The following PRDM15 variants were observed in gnomAD, a reference collection of about 807,000 sequenced individuals.
The protein encoded by PRDM15 is PR/SET domain 15.
Under a neutral mutation model 128.6 loss-of-function variants are expected in PRDM15, and 64 were observed. The ratio of observed to expected loss-of-function variants is 0.50; its 90% CI spans 0.41 to 0.61. PRDM15 has a LOEUF of 0.61. Among genes scored for constraint, PRDM15 ranks in the 20% least tolerant of loss-of-function variants. PRDM15 has a pLI of 0.00. For missense variants in PRDM15, 1,242 were observed against 1,569.1 expected, an observed-to-expected ratio of 0.79 and a Z score of 3.52; for synonymous variants, 615 against 621.8, an observed-to-expected ratio of 0.99 and a Z score of 0.16.
rs189248849 is a variant in PRDM15, at chr21:41,852,847, T to C, written c.538+1719A>G. ...CACCTACCACCTTTGGGAGAGGATG[T>C]GTGCAGATGTCATCAAGTTAAGGTG... On this transcript the variant is annotated intron_variant, in intron 5 of 23. Coordinates refer to ENST00000398548, the MANE Select transcript of PRDM15 (RefSeq NM_001040424.3). Among the ~76,000 whole-genome samples, 245 of 152,288 alleles carry C rather than the reference T, an allele frequency of 1.6e-3. 2 individuals carry two copies. The highest frequency in any genetic ancestry group is 5.6e-3 in the African/African-American group (231 of 41,564).
intron 21 of PRDM15, among the ~76,000 whole-genome samples, chr21:41,809,145 G>A (rs953814720): frequency 3.3e-5 from 5 of 152,240 alleles, no homozygotes; most frequent in Non-Finnish European, 7.3e-5. Flanking sequence ...CCCTGAGTGC[G>A]CTTCGCGTGT....
chr21:41,842,275 T>C (rs534499410), intron 6 of PRDM15, among the ~76,000 whole-genome samples: 6 of 152,308 alleles, frequency 3.9e-5, no homozygotes, highest in African/African-American at 1.4e-4. Flanking sequence ...TTATCACCTT[T>C]CCATTTTTTA....
At chr21:41,823,538 C>G (rs1422033845) in intron 13 of PRDM15, 89 bp from the exon 14 acceptor site, 4 of 1,425,122 alleles carry the variant, frequency 2.8e-6, no homozygotes, top group Non-Finnish European at 3.8e-6. Flanking sequence ...GAAACCACAA[C>G]CCGGGACGGA....
chr21:41,845,745 T>C (rs1335476101), intron 6 of PRDM15, among the ~76,000 whole-genome samples: 1 of 152,168 alleles, frequency 6.6e-6, no homozygotes, highest in Admixed American at 6.5e-5. Context: ...GTTGATGACA[T>C]ACAAGTAGAA....
chr21:41,811,014 G>A lies in PRDM15; in HGVS notation c.2393-178C>T. On this transcript the variant is annotated intron_variant, in intron 19 of 23. Transcript: ENST00000398548. The surrounding 1 kb of genome is among the most constrained non-coding windows in gnomAD (Gnocchi z 4.1). ...AGCCTCGGCCAGCAAAGTGTGGCTT[G>A]GAAAGTTTATGCTTCCATAGTGACA... 1 of 585,730 alleles carries A rather than the reference G, an allele frequency of 1.7e-6. No individual in the cohort carries two copies. 36.3% of individuals were successfully genotyped at this position (585,730 alleles called of 1,614,324 possible). A position where few individuals can be genotyped will look rare whatever the true frequency, so the allele number is the denominator to read the frequency against.
In PRDM15 at chr21:41,818,913, C is replaced by T. The variant is rs574066901; in HGVS notation, c.2260+669G>A. On this transcript the variant is annotated intron_variant, in intron 18 of 23. Transcript: ENST00000398548. ...ATGTTCTGTCGTTACAATGAAGATT[C>T]CTCGGCCGTGGTGAGTTTCTCTCTC... is the stretch of plus-strand genomic sequence containing the variant. Among the ~76,000 whole-genome samples, 365 of 152,278 alleles carry T rather than the reference C, an allele frequency of 2.4e-3. 2 individuals are homozygous for T. The highest frequency in any genetic ancestry group is 4.1e-3 in the South Asian group (20 of 4,826).
Position 41,801,686 on chromosome 21 carries a change from G to C in PRDM15, c.2980C>G (p.Pro994Ala). The C allele has an allele frequency of 6.2e-7, 1 of 1,614,104 alleles. No individual in the cohort carries two copies. Among genetic ancestry groups the C allele is most frequent in the East Asian group, 2.2e-5 (1 of 44,888 alleles). ...TTGGTTAAGCCGACTGAGCTCGATG[G>C]TGTGGTCACATTTGGGTCACCCAGG... Reference protein sequence around the residue: ...VTLGDPNVTTPSSSVGLTNIT... With the variant: ...VTLGDPNVTTASSSVGLTNIT... Residue 994 changes from proline (P) to alanine (A), a missense_variant, in exon 24 of 24, where the codon CCA (proline) becomes GCA (alanine). Physicochemically the swap from Pro to Ala is conservative, Grantham distance 27. Coordinates refer to ENST00000398548, the MANE Select transcript of PRDM15 (RefSeq NM_001040424.3).
At chr21:41,806,790 A>C (rs934900640) in intron 21 of PRDM15, among the ~76,000 whole-genome samples, 3 of 150,120 alleles carry the variant, frequency 2.0e-5, no homozygotes, top group Non-Finnish European at 4.4e-5. Flanking sequence ...CATCACCATT[A>C]CCACCATCAC....
At chr21:41,843,537 GA>G (rs769684647) in intron 6 of PRDM15, among the ~76,000 whole-genome samples, 3 of 152,218 alleles carry the variant, frequency 2.0e-5, no homozygotes, top group Admixed American at 6.5e-5. Context: ...GCCAACTTCT[GA>G]GCCCCACCTT....
Position 41,800,334 on chromosome 21 carries a change from G to C in PRDM15, c.*906C>G, listed in dbSNP as rs1231476101. ...GAGGAGCCCCTGGGGGCAGCAGGGAGGCTCACTCCTCACACACAGCCGCGC... is the reference window on the plus strand; with the variant it reads ...GAGGAGCCCCTGGGGGCAGCAGGGACGCTCACTCCTCACACACAGCCGCGC... On this transcript the variant is annotated 3_prime_UTR_variant, in exon 24 of 24. Coordinates refer to ENST00000398548, the MANE Select transcript of PRDM15 (RefSeq NM_001040424.3). 3 of 152,484 alleles carry C rather than the reference G, an allele frequency of 2.0e-5. No individual in the cohort carries two copies. The allele number at this position is 152,484 out of a possible 1,614,324, so 9.4% of individuals were successfully genotyped here.
Position 41,799,876 on chromosome 21 carries a change from CCT to C in PRDM15, c.*1362_*1363del, listed in dbSNP as rs986927450. 5.2e-5 allele frequency: 8 copies of C among 152,436 alleles called. No homozygotes were observed. Among genetic ancestry groups the C allele is most frequent in the Non-Finnish European group, 1.0e-4 (7 of 68,050 alleles). The allele number at this position is 152,436 out of a possible 1,614,324, so 9.4% of individuals were successfully genotyped here. ...AGTTAAGAGCAAACTTCTCCCCACA[CCT>C]CTCAGTGTTTCTTGTCGTGGGCAGC... On this transcript the variant is annotated 3_prime_UTR_variant, in exon 24 of 24. Transcript: ENST00000398548.
At position 41,832,882 on chromosome 21, in the gene PRDM15, C is replaced by T. The variant is rs1022960323; in HGVS notation, c.1366+2555G>A. On this transcript the variant is annotated intron_variant, in intron 11 of 23. Coordinates refer to ENST00000398548, the MANE Select transcript of PRDM15 (RefSeq NM_001040424.3). The surrounding 1 kb of genome is among the most constrained non-coding windows in gnomAD (Gnocchi z 4.2). ...TACTTCAGGCCACTCCCCAGCTGTC[C>T]CGGACAACTCTGCCAAGCCGAGGGT... Among the ~76,000 whole-genome samples the T allele has an allele frequency of 8.5e-5, 13 of 152,172 alleles. No homozygotes were observed. The highest frequency in any genetic ancestry group is 3.1e-4 in the African/African-American group (13 of 41,436).
chr21:41,814,735 TTG>T (rs2061985629), intron 19 of PRDM15: 1 of 152,152 alleles, frequency 6.6e-6, no homozygotes, highest in African/African-American at 2.5e-5. Context: ...TGAGAACGAC[TTG>T]TGTTAGTGAT....
chr21:41,825,822 A>C (rs865826694), intron 13 of PRDM15, 138 bp downstream of exon 13: 18 of 634,558 alleles, frequency 2.8e-5, no homozygotes, highest in African/African-American at 2.8e-4. Flanking sequence ...GGTGGACACC[A>C]GTTTAAGACA....
intron 14 of PRDM15, chr21:41,823,046 AAAG>A (rs1378662400): frequency 5.0e-6 from 2 of 399,306 alleles, no homozygotes; most frequent in African/African-American, 2.1e-5. Context: ...AAAAAAAAAA[AAAG>A]AATGGGATTT....
At chr21:41,875,195 G>A (rs1569032684) in intron 1 of PRDM15, among the ~76,000 whole-genome samples, 2 of 152,218 alleles carry the variant, frequency 1.3e-5, no homozygotes, top group South Asian at 2.1e-4. Flanking sequence ...CCCCTTTGCT[G>A]TCTGCACCTC....
chr21:41,801,794 G>A, intron 23 of PRDM15, 72 bp from the exon 24 acceptor site: 1 of 1,514,634 alleles, frequency 6.6e-7, no homozygotes, highest in South Asian at 1.2e-5. Flanking sequence ...TCCCCAGGAT[G>A]CGCTCTGTGT....
intron 1 of PRDM15, chr21:41,871,665 A>C (rs2064217262): frequency 1.3e-6 from 2 of 1,572,374 alleles, no homozygotes; most frequent in Non-Finnish European, 1.7e-6. Flanking sequence ...TGAGAAGCCC[A>C]CTGTCCCTCT....
In PRDM15 at chr21:41,851,519, A is replaced by G. The variant is rs530425624; in HGVS notation, c.538+3047T>C. On this transcript the variant is annotated intron_variant, in intron 5 of 23. Transcript: ENST00000398548. ...GGTCAGGGAGGAGGGGCTCAGGGGA[A>G]GGAGCCAGATAGGTGGCAGAGGGTG... is the stretch of plus-strand genomic sequence containing the variant. Among the ~76,000 whole-genome samples, 6 of 152,304 alleles carry G rather than the reference A, an allele frequency of 3.9e-5. No homozygotes were observed. In the South Asian group the frequency reaches 1.2e-3, roughly 32 times the overall value.
Sources: gnomAD v4.1 joint callset for allele counts (sites outside exome capture counted in the v4.1 genomes callset) on GRCh38, gnomAD v4.1.1 for gene constraint, Gnocchi (gnomAD v3.1) non-coding constraint, MANE v1.5 for transcripts, NCBI Gene and HGNC (gene_info 2026-07-23, HGNC 2026-07-21) for gene names.